The following BLOC1S5 variants were observed in gnomAD, a reference collection of about 807,000 sequenced individuals.
BLOC1S5 encodes biogenesis of lysosome-related organelles complex 1 subunit 5.
BLOC1S5 carries 27 observed loss-of-function variants against 24.3 expected under a neutral mutation model. That is an observed-to-expected ratio of 1.11 (90% CI 0.82 to 1.53). The LOEUF (loss-of-function observed/expected upper bound fraction) is 1.53. Ranked by LOEUF, BLOC1S5 falls within the 40% of genes most tolerant of loss-of-function variation. The pLI, the probability that BLOC1S5 is intolerant of heterozygous loss-of-function variation, is 0.00. For missense variants in BLOC1S5, 239 were observed against 229.4 expected, an observed-to-expected ratio of 1.04 and a Z score of -0.27; for synonymous variants, 84 against 74.5, an observed-to-expected ratio of 1.13 and a Z score of -0.66.
chr6:8,049,386 A>T (rs952086924), intron 2 of BLOC1S5, among the ~76,000 whole-genome samples: 3 of 151,374 alleles, frequency 2.0e-5, no homozygotes, highest in Non-Finnish European at 4.4e-5. Flanking sequence ...AAAAAAAGAA[A>T]GGAAAGAAAG....
rs1305520457 is a variant in BLOC1S5 at position 8,064,367 on chromosome 6, C to A, written c.10G>T (p.Gly4Ter). ...CAACCCACAGGGGTCTCTGTCCCTCCGCCACTCATCCCGACCAGTTCCGCC... is the reference window on the plus strand; with the variant it reads ...CAACCCACAGGGGTCTCTGTCCCTCAGCCACTCATCCCGACCAGTTCCGCC... MSG[G>*]GTETPVGCEA... Residue 4 changes from glycine (G) to a stop codon, truncating the protein, a stop_gained, in exon 1 of 5, where the codon GGA becomes TGA. Transcript: ENST00000397457. LOFTEE classifies it high-confidence loss of function. 2 of 1,609,920 alleles carry A rather than the reference C, an allele frequency of 1.2e-6. No individual in the cohort carries two copies. The highest frequency in any genetic ancestry group is 1.3e-5 in the African/African-American group (1 of 74,912).
intron 2 of BLOC1S5, among the ~76,000 whole-genome samples, chr6:8,043,523 T>G (rs909594160): frequency 1.3e-5 from 2 of 151,698 alleles, no homozygotes; most frequent in African/African-American, 4.8e-5. Context: ...TATGCAAAGG[T>G]CATAAAAAAT....
chr6:8,013,905 G>A lies in BLOC1S5; in HGVS notation c.*1744C>T, dbSNP rs920205885. On this transcript the variant is annotated 3_prime_UTR_variant, in exon 5 of 5. Transcript: ENST00000397457. ...CCAGGTACCAGCAAATGATTGATGAGCCTGTCAAGCCTACAGTAGCGGATA... is the reference window on the plus strand; with the variant it reads ...CCAGGTACCAGCAAATGATTGATGAACCTGTCAAGCCTACAGTAGCGGATA... The A allele has an allele frequency of 1.3e-5, 2 of 152,156 alleles. No individual in the cohort carries two copies. Among genetic ancestry groups the A allele is most frequent in the African/African-American group, 4.8e-5 (2 of 41,426 alleles). 9.4% of individuals were successfully genotyped at this position (152,156 alleles called of 1,614,324 possible).
chr6:8,031,923 A>G (rs998147645), intron 3 of BLOC1S5, among the ~76,000 whole-genome samples: 3 of 152,248 alleles, frequency 2.0e-5, no homozygotes, highest in Non-Finnish European at 4.4e-5. Flanking sequence ...CACATGTAGA[A>G]GAATGAAACT....
At position 8,014,512 on chromosome 6, in the gene BLOC1S5, G is replaced by A. The variant is rs1762674846; in HGVS notation, c.*1137C>T. 1.3e-5 allele frequency: 2 copies of A among 152,176 alleles called. No individual in the cohort carries two copies. The highest frequency in any genetic ancestry group is 4.1e-4 in the South Asian group (2 of 4,828). 9.4% of individuals were successfully genotyped at this position (152,176 alleles called of 1,614,324 possible). On this transcript the variant is annotated 3_prime_UTR_variant, in exon 5 of 5. Coordinates refer to ENST00000397457, the MANE Select transcript of BLOC1S5 (RefSeq NM_201280.3). The stretch of plus-strand genomic sequence containing the variant: ...TAGGCTTGAACTCCTGACTTCAAAT[G>A]ATCCGCCTGCCTCGGCCTCCCAAAG...
intron 3 of BLOC1S5, among the ~76,000 whole-genome samples, chr6:8,033,540 G>C (rs1763376224): frequency 6.6e-6 from 1 of 152,158 alleles, no homozygotes; most frequent in Non-Finnish European, 1.5e-5. Context: ...AGAAAACCTA[G>C]GCAATACCAT....
At chr6:8,042,980 T>C (rs910871248) in intron 2 of BLOC1S5, among the ~76,000 whole-genome samples, 9 of 152,200 alleles carry the variant, frequency 5.9e-5, no homozygotes, top group Non-Finnish European at 1.2e-4. Context: ...GGACGACTCT[T>C]GGAAGCTTCT....
chr6:8,028,681 C>T (rs1315315994), intron 3 of BLOC1S5, among the ~76,000 whole-genome samples: 2 of 143,630 alleles, frequency 1.4e-5, no homozygotes, highest in Non-Finnish European at 2.9e-5. Flanking sequence ...TATGTTTAGA[C>T]AGAATATCCA....
chr6:8,027,542 T>A, intron 3 of BLOC1S5: 1 of 419,358 alleles, frequency 2.4e-6, no homozygotes, highest in Non-Finnish European at 4.8e-6. Context: ...TCATATAAAA[T>A]AAGCAGTCAG....
intron 4 of BLOC1S5, among the ~76,000 whole-genome samples, chr6:8,021,829 A>G (rs1306265249): frequency 1.3e-5 from 2 of 152,200 alleles, no homozygotes; most frequent in Admixed American, 6.5e-5. Context: ...ATAAACTTAG[A>G]AAATACCAAC....
chr6:8,026,826 C>A (rs759938701), intron 3 of BLOC1S5, among the ~76,000 whole-genome samples: 3 of 152,152 alleles, frequency 2.0e-5, no homozygotes, highest in Non-Finnish European at 4.4e-5. Context: ...TCCTCTGGAC[C>A]ATCTCCATTA....
At chr6:8,059,730 C>T (rs927154063) in intron 2 of BLOC1S5, among the ~76,000 whole-genome samples, 7 of 152,232 alleles carry the variant, frequency 4.6e-5, no homozygotes, top group African/African-American at 1.7e-4. Flanking sequence ...GTGTGCTACA[C>T]TAAACCCTCA....
intron 3 of BLOC1S5, among the ~76,000 whole-genome samples, chr6:8,035,200 T>C (rs932818331): frequency 6.6e-6 from 1 of 151,746 alleles, no homozygotes; most frequent in Non-Finnish European, 1.5e-5. Context: ...GGGGGAAGGA[T>C]AGGAGGGAGG....
intron 2 of BLOC1S5, among the ~76,000 whole-genome samples, chr6:8,052,385 AC>A (rs1764143430): frequency 6.6e-6 from 1 of 152,312 alleles, no homozygotes; most frequent in Admixed American, 6.5e-5. Flanking sequence ...ATGGATCTGG[AC>A]AAAGTAAATT....
chr6:8,016,527 C>A (rs1320423899), intron 4 of BLOC1S5, among the ~76,000 whole-genome samples: 1 of 151,932 alleles, frequency 6.6e-6, no homozygotes, highest in Non-Finnish European at 1.5e-5. Flanking sequence ...TTTTTAAGTG[C>A]ATTAGAAAGA....
chr6:8,020,090 G>A (rs774535484), intron 4 of BLOC1S5, among the ~76,000 whole-genome samples: 2 of 152,160 alleles, frequency 1.3e-5, no homozygotes, highest in Non-Finnish European at 2.9e-5. Flanking sequence ...AGTAACGCCT[G>A]ATTCCTACAA....
chr6:8,017,020 T>G (rs1044701797), intron 4 of BLOC1S5, among the ~76,000 whole-genome samples: 5 of 152,158 alleles, frequency 3.3e-5, no homozygotes, highest in African/African-American at 1.2e-4. Context: ...TTTTTTCTTT[T>G]TCTTTCTAGC....
chr6:8,025,609 A>G (rs747658561), intron 4 of BLOC1S5, among the ~76,000 whole-genome samples: 2 of 152,216 alleles, frequency 1.3e-5, no homozygotes, highest in Non-Finnish European at 2.9e-5. Context: ...GAGAAGGTTC[A>G]TTCCATTATA....
chr6:8,019,148 T>C (rs761707888), intron 4 of BLOC1S5, among the ~76,000 whole-genome samples: 7 of 152,232 alleles, frequency 4.6e-5, no homozygotes, highest in Non-Finnish European at 1.0e-4. Context: ...AGCTAAAAGA[T>C]GACAACTTCC....
Sources: allele counts gnomAD v4.1 joint callset (sites outside exome capture counted in the v4.1 genomes callset), GRCh38; gene constraint gnomAD v4.1.1; transcripts MANE v1.5; gene names NCBI Gene and HGNC (gene_info 2026-07-23, HGNC 2026-07-21).